The following GLP1R variants were observed in gnomAD, a reference collection of about 807,000 sequenced individuals.
The protein encoded by GLP1R is glucagon-like peptide 1 receptor.
Under a neutral mutation model 68.4 loss-of-function variants are expected in GLP1R, and 32 were observed. The observed-to-expected ratio is 0.47, with a 90% CI of 0.35 to 0.63. The LOEUF is 0.63. Ranked by LOEUF, GLP1R falls within the 20% of genes least tolerant of loss-of-function variation. The pLI, the probability that GLP1R is intolerant of heterozygous loss-of-function variation, is 0.00. For synonymous variants in GLP1R, 263 were observed against 244.4 expected (o/e 1.08, Z -0.71); for missense variants, 502 against 594.9 (o/e 0.84, Z 1.62).
Position 39,089,910 on chromosome 6 carries a change from C to T in GLP1R, c.*3837C>T, listed in dbSNP as rs982136486. On this transcript the variant is annotated 3_prime_UTR_variant, in exon 13 of 13. Transcript: ENST00000373256. The surrounding 1 kb of genome is among the most constrained non-coding windows in gnomAD (Gnocchi z 4.1). Reference sequence around the variant, plus strand: ...GTGCTTACCCTGCTTTTGGCTCCTACGAGGCAAACTATAAAAATTCTCAAA... The same window carrying T: ...GTGCTTACCCTGCTTTTGGCTCCTATGAGGCAAACTATAAAAATTCTCAAA... Among the ~76,000 whole-genome samples, 8 of 152,296 alleles carry T rather than the reference C, an allele frequency of 5.3e-5. No individual in the cohort carries two copies. In the South Asian group the frequency reaches 1.0e-3, roughly 20 times the overall value.
At chr6:39,052,076 G>A (rs954091568) in intron 1 of GLP1R, among the ~76,000 whole-genome samples, 2 of 152,036 alleles carry the variant, frequency 1.3e-5, no homozygotes, top group African/African-American at 4.8e-5. Flanking sequence ...GTGGGAGAGA[G>A]TCTGTGTCAG....
Position 39,063,958 on chromosome 6 carries a change from CA to C in GLP1R, c.284-1752del, listed in dbSNP as rs1562008011. ...ACACACACACACACACACACACACA[CA>C]CACCCCACATTAATGAAGCCTCTTC... On this transcript the variant is annotated intron_variant, in intron 3 of 12. Transcript: ENST00000373256. 7.8e-3 allele frequency among the ~76,000 whole-genome samples: 1,013 copies of C among 129,370 alleles called. 16 individuals are homozygous for C. Among genetic ancestry groups the C allele is most frequent in the African/African-American group, 0.029 (925 of 31,844 alleles). 84.9% of individuals were successfully genotyped at this position (129,370 alleles called of 152,430 possible).
intron 1 of GLP1R, among the ~76,000 whole-genome samples, chr6:39,054,242 A>C (rs1174237653): frequency 6.6e-6 from 1 of 151,720 alleles, no homozygotes; most frequent in Non-Finnish European, 1.5e-5. Flanking sequence ...TACTCCCTGC[A>C]TTCCCCTCCA....
rs192985014 is a variant in GLP1R at position 39,068,588 on chromosome 6, G to A, written c.509+2285G>A. ...GAAGTAACTATGTTCCCTACAGCTC[G>A]TGCACTCTGTGTGTCTGTAGAGTTA... On this transcript the variant is annotated intron_variant, in intron 5 of 12. Transcript: ENST00000373256. 7.2e-5 allele frequency among the ~76,000 whole-genome samples: 11 copies of A among 152,316 alleles called. No individual in the cohort carries two copies. The East Asian group carries it at 7.7e-4, about 11-fold the overall frequency.
chr6:39,085,813 T>A (rs1769129209), intron 12 of GLP1R, 93 bp from the exon 13 acceptor site: 2 of 1,162,304 alleles, frequency 1.7e-6, no homozygotes, highest in Non-Finnish European at 1.3e-6. Flanking sequence ...ATGCAGTGGA[T>A]TTCTTCCCTT....
At position 39,073,690 on chromosome 6, in the gene GLP1R, C is replaced by T. The variant is rs758000641; in HGVS notation, c.744C>T (p.Gly248=). Reference sequence around the variant, plus strand: ...ATTACTACTGGCTCTTGGTGGAGGGCGTGTACCTGTACACACTGCTGGCCT... The same window carrying T: ...ATTACTACTGGCTCTTGGTGGAGGGTGTGTACCTGTACACACTGCTGGCCT... ...AANYYWLLVE[G]VYLYTLLAFS... is the part of the protein sequence containing the mutation. Residue 248 remains glycine (G), a synonymous_variant, in exon 7 of 13, where the codon GGC becomes GGT. Coordinates refer to ENST00000373256, the MANE Select transcript of GLP1R (RefSeq NM_002062.5). The T allele has an allele frequency of 1.1e-5, 17 of 1,611,958 alleles. No individual in the cohort carries two copies. The highest frequency in any genetic ancestry group is 8.9e-5 in the East Asian group (4 of 44,884).
At position 39,079,105 on chromosome 6, in the gene GLP1R, C is replaced by G. The variant is rs766392467; in HGVS notation, c.955-7C>G. ...GCCCCCTGCCAATCCCCGGCCCCAC[C>G]CCGCAGGTGAACTTCCTCATCTTTG... On this transcript the variant is annotated splice_polypyrimidine_tract_variant and splice_region_variant and intron_variant, in intron 9 of 12. Coordinates refer to ENST00000373256, the MANE Select transcript of GLP1R (RefSeq NM_002062.5). This position sits in a 1 kb window ranked among gnomAD's most constrained non-coding sequence, Gnocchi z 4.5. 3.7e-6 allele frequency: 6 copies of G among 1,613,578 alleles called. No homozygotes were observed. Among genetic ancestry groups the G allele is most frequent in the Non-Finnish European group, 5.1e-6 (6 of 1,179,620 alleles).
chr6:39,050,179 C>T (rs538219720), intron 1 of GLP1R, among the ~76,000 whole-genome samples: 1 of 152,300 alleles, frequency 6.6e-6, no homozygotes, highest in African/African-American at 2.4e-5. Flanking sequence ...CTCCCCCTTC[C>T]AAGACACCTT....
intron 11 of GLP1R, among the ~76,000 whole-genome samples, chr6:39,080,016 A>C (rs1768953418): frequency 6.6e-6 from 1 of 152,036 alleles, no homozygotes; most frequent in Non-Finnish European, 1.5e-5. Flanking sequence ...TTGTGCATTT[A>C]CTCCTCACAG....
At position 39,079,808 on chromosome 6, in the gene GLP1R, GA is replaced by G; in HGVS notation, c.1182+107del. On this transcript the variant is annotated intron_variant, in intron 11 of 12. Coordinates refer to ENST00000373256, the MANE Select transcript of GLP1R (RefSeq NM_002062.5). This position sits in a 1 kb window ranked among gnomAD's most constrained non-coding sequence, Gnocchi z 4.5. ...GAAAAGGTGGGAAGACTGGGACCTG[GA>G]GGGGTGATCCCTGCCCAAAGTCACC... 9.4e-7 allele frequency: 1 copy of G among 1,064,274 alleles called. No homozygotes were observed. Among genetic ancestry groups the G allele is most frequent in the Non-Finnish European group, 1.4e-6 (1 of 716,040 alleles). The allele number at this position is 1,064,274 out of a possible 1,614,324, so 65.9% of individuals were successfully genotyped here. A position where few individuals can be genotyped will look rare whatever the true frequency, so the allele number is the denominator to read the frequency against.
At chr6:39,075,679 A>C (rs1768799399) in intron 7 of GLP1R, among the ~76,000 whole-genome samples, 1 of 152,190 alleles carries the variant, frequency 6.6e-6, no homozygotes, top group Non-Finnish European at 1.5e-5. Flanking sequence ...GGTTGCTAGG[A>C]GCTCAGACGT....
At chr6:39,063,926 A>AACACAG (rs1554169536) in intron 3 of GLP1R, among the ~76,000 whole-genome samples, 1 of 130,240 alleles carries the variant, frequency 7.7e-6, no homozygotes, top group Non-Finnish European at 1.6e-5. Context: ...ACAGACACAT[A>AACACAG]ACACACACAC....
chr6:39,073,964 C>T (rs939935181), intron 7 of GLP1R, among the ~76,000 whole-genome samples, 195 bp downstream of exon 7: 3 of 152,210 alleles, frequency 2.0e-5, no homozygotes, highest in Non-Finnish European at 2.9e-5. Flanking sequence ...CCCTCCTCTG[C>T]ATAACTCTCC....
chr6:39,080,576 T>C (rs1351069088), intron 11 of GLP1R, 122 bp from the exon 12 acceptor site: 9 of 638,640 alleles, frequency 1.4e-5, no homozygotes, highest in Non-Finnish European at 2.2e-5. Context: ...TGGATCTGCC[T>C]GGGCCGCTGG....
intron 5 of GLP1R, among the ~76,000 whole-genome samples, chr6:39,072,504 G>A (rs981422625): frequency 4.6e-5 from 7 of 152,228 alleles, no homozygotes; most frequent in Non-Finnish European, 7.3e-5. Context: ...GAGGCATTTA[G>A]GATGTGGGCC....
chr6:39,087,565 G>C lies in GLP1R; in HGVS notation c.*1492G>C, dbSNP rs1485040935. The stretch of plus-strand genomic sequence containing the variant: ...TCTTGGGAGTCAGGACCTCCGGGGA[G>C]AGCAGAGGGTTCCGACGGATTCCTT... On this transcript the variant is annotated 3_prime_UTR_variant, in exon 13 of 13. Transcript: ENST00000373256. The C allele has an allele frequency of 1.3e-5, 2 of 152,210 alleles. No homozygotes were observed. The highest frequency in any genetic ancestry group is 2.9e-5 in the Non-Finnish European group (2 of 68,054). 9.4% of individuals were successfully genotyped at this position (152,210 alleles called of 1,614,324 possible).
At chr6:39,053,178 G>A (rs1768127010) in intron 1 of GLP1R, among the ~76,000 whole-genome samples, 2 of 152,174 alleles carry the variant, frequency 1.3e-5, no homozygotes, top group African/African-American at 4.8e-5. Flanking sequence ...GCTGCCTTGT[G>A]AGGGACAGGG....
chr6:39,057,329 G>T, intron 2 of GLP1R, 143 bp from the exon 3 acceptor site: 1 of 629,436 alleles, frequency 1.6e-6, no homozygotes, highest in East Asian at 2.8e-5. Context: ...TGCTGGGTGG[G>T]GAAAGTGCTT....
intron 5 of GLP1R, among the ~76,000 whole-genome samples, chr6:39,072,468 A>C (rs1020998441): frequency 6.6e-6 from 1 of 152,270 alleles, no homozygotes; most frequent in Non-Finnish European, 1.5e-5. Flanking sequence ...ATTCCTACCA[A>C]GTGCCTAGTC....
Sources: gnomAD v4.1 joint callset for allele counts (sites outside exome capture counted in the v4.1 genomes callset) on GRCh38, gnomAD v4.1.1 for gene constraint, Gnocchi (gnomAD v3.1) non-coding constraint, MANE v1.5 for transcripts, NCBI Gene and HGNC (gene_info 2026-07-23, HGNC 2026-07-21) for gene names.